KANK2: variants seen among roughly 807,000 people sequenced by gnomAD.
KANK2 encodes KN motif and ankyrin repeat domains 2, also known as KN motif and ankyrin repeat domain-containing protein 2.
Under a neutral mutation model 74.6 loss-of-function variants are expected in KANK2, and 41 were observed. The ratio of observed to expected loss-of-function variants is 0.55; its 90% CI spans 0.43 to 0.71. The LOEUF (loss-of-function observed/expected upper bound fraction) is 0.71. KANK2 is among the 30% of genes least tolerant of loss of function. The probability of loss-of-function intolerance (pLI) is 0.00; values close to 1 mark genes in which losing one functional copy is unlikely to be tolerated. For missense variants in KANK2, 1,148 were observed against 1,196.4 expected (o/e 0.96, Z 0.60); for synonymous variants, 537 against 519.0 (o/e 1.03, Z -0.47).
At chr19:11,184,190 A>ACAGAG (rs1555818636) in intron 4 of KANK2, among the ~76,000 whole-genome samples, 7 of 151,798 alleles carry the variant, frequency 4.6e-5, no homozygotes, top group Non-Finnish European at 8.8e-5. Flanking sequence ...AGCCTGGCCA[A>ACAGAG]CATGGTGAAA....
At chr19:11,181,088 CAAAAAAAA>C (rs752985367) in intron 4 of KANK2, among the ~76,000 whole-genome samples, 17 of 24,104 alleles carry the variant, frequency 7.1e-4, no homozygotes, top group Admixed American at 3.8e-3. Context: ...CTCTTGTCTC[CAAAAAAAA>C]AAAAAAAAAA....
chr19:11,193,398 C>A lies in KANK2; in HGVS notation c.682G>T (p.Val228Leu). The A allele has an allele frequency of 6.2e-7, 1 of 1,612,866 alleles. No individual in the cohort carries two copies. The highest frequency in any genetic ancestry group is 8.5e-7 in the Non-Finnish European group (1 of 1,179,988). ...VLQEEKRQLTVQLKSQKFLGH... is the reference protein window; with the variant it reads ...VLQEEKRQLTLQLKSQKFLGH... ...AGGAACTTCTGGCTCTTAAGTTGTA[C>A]TGTGAGCTGCCGCTTTTCCTCCTGG... Residue 228 changes from valine to leucine, a missense_variant, in exon 4 of 13, where the codon GTA (valine) becomes TTA (leucine). Coordinates refer to ENST00000586659, the MANE Select transcript of KANK2 (RefSeq NM_001136191.3). This position sits in a 1 kb window ranked among gnomAD's most constrained non-coding sequence, Gnocchi z 9.6.
intron 4 of KANK2, chr19:11,192,515 A>G: frequency 2.8e-6 from 1 of 350,976 alleles, no homozygotes; most frequent in Non-Finnish European, 5.6e-6. Context: ...GCTCACTGCA[A>G]CCTCCGCTTC....
chr19:11,194,120 G>C (rs1364788972), intron 3 of KANK2, 78 bp from the exon 4 acceptor site: 11 of 1,464,720 alleles, frequency 7.5e-6, no homozygotes, highest in Non-Finnish European at 1.0e-5. Context: ...CCTGGGGAGA[G>C]TTGGGGTTTA....
rs148383608 is a variant in KANK2, at chr19:11,194,090, T to A, written c.38-48A>T. On this transcript the variant is annotated intron_variant, in intron 3 of 12. Transcript: ENST00000586659. ...GACCTTTGAATCCTCTTGTCCCCATTCTCAGGGTGAAGACTGATGCCTGGG... is the reference window on the plus strand; with the variant it reads ...GACCTTTGAATCCTCTTGTCCCCATACTCAGGGTGAAGACTGATGCCTGGG... The A allele has an allele frequency of 7.0e-5, 108 of 1,544,262 alleles. 1 individual carries two copies. In the East Asian group the frequency reaches 2.3e-3, roughly 34 times the overall value.
In KANK2 at chr19:11,170,027, T is replaced by A; in HGVS notation, c.2412+21A>T. On this transcript the variant is annotated intron_variant, in intron 11 of 12. Transcript: ENST00000586659. This position sits in a 1 kb window ranked among gnomAD's most constrained non-coding sequence, Gnocchi z 5.2. Reference sequence around the variant, plus strand: ...TGCTGTGCTCCCGCCCTCCCCGGGGTGCACCTGGTTGGAGACTCACGCGAT... The same window carrying A: ...TGCTGTGCTCCCGCCCTCCCCGGGGAGCACCTGGTTGGAGACTCACGCGAT... 1 of 1,611,876 alleles carries A rather than the reference T, an allele frequency of 6.2e-7. No individual in the cohort carries two copies. Among genetic ancestry groups the A allele is most frequent in the Non-Finnish European group, 8.5e-7 (1 of 1,178,172 alleles).
At chr19:11,169,542 C>T in intron 12 of KANK2, 2 of 457,348 alleles carry the variant, frequency 4.4e-6, no homozygotes, top group South Asian at 3.1e-5. Context: ...GTGGCTCATA[C>T]CTGTAATCCC....
intron 6 of KANK2, 149 bp downstream of exon 6, chr19:11,178,196 T>C: frequency 1.4e-6 from 1 of 734,224 alleles, no homozygotes; most frequent in Non-Finnish European, 2.0e-6. Context: ...TTCCTATGCC[T>C]CAGTTTCCTC....
intron 8 of KANK2, among the ~76,000 whole-genome samples, chr19:11,175,451 A>AAAAG (rs2078309033): frequency 6.6e-6 from 1 of 150,524 alleles, no homozygotes; most frequent in Non-Finnish European, 1.5e-5. Flanking sequence ...AAAAAAAAAA[A>AAAAG]AAAAAGAATT....
chr19:11,175,202 G>A (rs1003932775), intron 8 of KANK2, among the ~76,000 whole-genome samples: 4 of 151,600 alleles, frequency 2.6e-5, no homozygotes, highest in African/African-American at 7.3e-5. Context: ...CAGGGTGAGC[G>A]GATCACTTGA....
chr19:11,171,461 T>C (rs1352416368), intron 10 of KANK2, among the ~76,000 whole-genome samples: 1 of 143,606 alleles, frequency 7.0e-6, no homozygotes, highest in Non-Finnish European at 1.5e-5. Flanking sequence ...AAATAAAAAA[T>C]AGAGATAAAA....
chr19:11,190,077 G>A (rs556240305), intron 4 of KANK2, among the ~76,000 whole-genome samples: 21 of 152,222 alleles, frequency 1.4e-4, no homozygotes, highest in African/African-American at 5.1e-4. Context: ...TGAGAACTTG[G>A]GCCCTACCTT....
rs746325239 is a variant in KANK2 at position 11,178,438 on chromosome 19, G to A, written c.1427C>T (p.Pro476Leu). 5.6e-6 allele frequency: 9 copies of A among 1,594,206 alleles called. No homozygotes were observed. Among genetic ancestry groups the A allele is most frequent in the African/African-American group, 1.4e-5 (1 of 73,388 alleles). The stretch of plus-strand genomic sequence containing the variant: ...TTTCATGATAGATCGCACGCCTGCC[G>A]GGGGCCCGCCTGGAGGGGAGGACAG... ...SEEAGGTGGP[P>L]AGVRSIMKRK... Residue 476 changes from proline to leucine, a missense_variant, in exon 6 of 13, where the codon CCG (proline) becomes CTG (leucine). By Grantham distance (98) the Pro-to-Leu change is moderately conservative. Transcript: ENST00000586659.
intron 4 of KANK2, among the ~76,000 whole-genome samples, chr19:11,181,242 A>T (rs1362529561): frequency 8.0e-6 from 1 of 125,648 alleles, no homozygotes; most frequent in African/African-American, 3.2e-5. Context: ...AAGATTTATT[A>T]TTATTATTAT....
rs754213714 is a variant in KANK2, at chr19:11,192,820, C to A, written c.1249+11G>T. 6.6e-7 allele frequency: 1 copy of A among 1,517,664 alleles called. No individual in the cohort carries two copies. Among genetic ancestry groups the A allele is most frequent in the Non-Finnish European group, 8.9e-7 (1 of 1,117,716 alleles). 94.0% of individuals were successfully genotyped at this position (1,517,664 alleles called of 1,614,324 possible). On this transcript the variant is annotated intron_variant, in intron 4 of 12. Transcript: ENST00000586659. ...CAAGCCATTCTCCCCTGCCTGCCTGCGACCGCTTACCTGCTGCTCCATCGC... is the reference window on the plus strand; with the variant it reads ...CAAGCCATTCTCCCCTGCCTGCCTGAGACCGCTTACCTGCTGCTCCATCGC...
At chr19:11,184,117 C>T (rs1422960977) in intron 4 of KANK2, among the ~76,000 whole-genome samples, 1 of 152,132 alleles carries the variant, frequency 6.6e-6, no homozygotes, top group Non-Finnish European at 1.5e-5. Flanking sequence ...TGGCTCATGC[C>T]TGTAATCCCA....
In KANK2 at chr19:11,185,069, C is replaced by T. The variant is rs529134728; in HGVS notation, c.1250-6349G>A. ...CAGTTGAGCCACCACGCCCAGTCTA[C>T]TTCAGGCAACTTCTGTTGCCCAGGC... is the stretch of plus-strand genomic sequence containing the variant. On this transcript the variant is annotated intron_variant, in intron 4 of 12. Transcript: ENST00000586659. 1.2e-3 allele frequency among the ~76,000 whole-genome samples: 185 copies of T among 148,828 alleles called. 5 individuals carry two copies. The highest frequency in any genetic ancestry group is 2.0e-3 in the Non-Finnish European group (132 of 66,864).
chr19:11,178,332 C>G lies in KANK2; in HGVS notation c.1520+13G>C. ...GGAAGTATGGGGTGGGGGGTGGGGT[C>G]TTCTCCTCTCACCCGCCGTTGACCC... On this transcript the variant is annotated intron_variant, in intron 6 of 12. Transcript: ENST00000586659. 2 of 1,488,322 alleles carry G rather than the reference C, an allele frequency of 1.3e-6. No homozygotes were observed. The highest frequency in any genetic ancestry group is 1.8e-6 in the Non-Finnish European group (2 of 1,124,628). The allele number at this position is 1,488,322 out of a possible 1,614,324, so 92.2% of individuals were successfully genotyped here. A position where few individuals can be genotyped will look rare whatever the true frequency, so the allele number is the denominator to read the frequency against.
chr19:11,167,099 C>T (rs1300406875), intron 12 of KANK2, among the ~76,000 whole-genome samples: 1 of 152,124 alleles, frequency 6.6e-6, no homozygotes, highest in Non-Finnish European at 1.5e-5. Context: ...GAGTTTCACT[C>T]TTGTTGCCTA....
Sources: allele counts gnomAD v4.1 joint callset (sites outside exome capture counted in the v4.1 genomes callset), GRCh38; gene constraint gnomAD v4.1.1; non-coding constraint Gnocchi (gnomAD v3.1); transcripts MANE v1.5; gene names NCBI Gene and HGNC (gene_info 2026-07-23, HGNC 2026-07-21).